RBM20: variants seen among roughly 807,000 people sequenced by gnomAD.
RBM20 encodes the protein RNA-binding protein 20.
In RBM20, 51 loss-of-function variants were observed where a neutral mutation model predicts 110.1. The ratio of observed to expected loss-of-function variants is 0.46; its 90% CI spans 0.37 to 0.59. RBM20 has a LOEUF of 0.59. RBM20 is among the 20% of genes least tolerant of loss of function. RBM20 has a pLI of 0.00. For synonymous variants in RBM20, 589 were observed against 618.2 expected, an observed-to-expected ratio of 0.95 and a Z score of 0.70; for missense variants, 1,512 against 1,574.9, an observed-to-expected ratio of 0.96 and a Z score of 0.68.
intron 1 of RBM20, among the ~76,000 whole-genome samples, chr10:110,662,766 T>C (rs1421613457): frequency 6.6e-6 from 1 of 152,218 alleles, no homozygotes; most frequent in African/African-American, 2.4e-5. Context: ...AACCCAGATG[T>C]CCATCACCAG....
At chr10:110,821,254 C>T in intron 10 of RBM20, 21 bp from the exon 11 acceptor site, 1 of 1,545,536 alleles carries the variant, frequency 6.5e-7, no homozygotes, top group South Asian at 1.2e-5. Flanking sequence ...CCTCTGACCT[C>T]CATTCTGCAT....
At chr10:110,679,216 C>CT (rs1034637923) in intron 1 of RBM20, among the ~76,000 whole-genome samples, 5 of 151,930 alleles carry the variant, frequency 3.3e-5, no homozygotes, top group African/African-American at 4.8e-5. Flanking sequence ...CCTTTTTCTT[C>CT]TTTTTTTTAT....
chr10:110,645,441 T>C (rs566945228), intron 1 of RBM20, among the ~76,000 whole-genome samples: 1 of 152,364 alleles, frequency 6.6e-6, no homozygotes, highest in African/African-American at 2.4e-5. Flanking sequence ...CCTAAGGGTT[T>C]ACCCAGTTTG....
intron 1 of RBM20, among the ~76,000 whole-genome samples, chr10:110,658,541 G>A (rs984680129): frequency 4.6e-5 from 7 of 152,044 alleles, no homozygotes; most frequent in African/African-American, 9.7e-5. Context: ...CCTCTTTTTC[G>A]TTTGAATTTC....
chr10:110,685,428 A>G (rs1219605638), intron 1 of RBM20, among the ~76,000 whole-genome samples: 3 of 152,172 alleles, frequency 2.0e-5, no homozygotes, highest in Non-Finnish European at 4.4e-5. Flanking sequence ...CTCTGTTGAC[A>G]GCTGTGCCTG....
chr10:110,751,199 G>A (rs1198430804), intron 1 of RBM20, among the ~76,000 whole-genome samples: 2 of 152,324 alleles, frequency 1.3e-5, no homozygotes, highest in East Asian at 3.9e-4. Context: ...AGACCTTACA[G>A]GATGTCTCTG....
At chr10:110,768,088 G>C (rs1261607203) in intron 1 of RBM20, among the ~76,000 whole-genome samples, 1 of 152,246 alleles carries the variant, frequency 6.6e-6, no homozygotes, top group Non-Finnish European at 1.5e-5. Flanking sequence ...AAACCAGTCA[G>C]GCGTGGCGGC....
At chr10:110,742,768 A>G (rs1843737067) in intron 1 of RBM20, among the ~76,000 whole-genome samples, 1 of 152,258 alleles carries the variant, frequency 6.6e-6, no homozygotes, top group African/African-American at 2.4e-5. Flanking sequence ...CCTAGGTAGT[A>G]GCTGGGAGGC....
intron 8 of RBM20, 73 bp from the exon 9 acceptor site, chr10:110,812,205 G>C: frequency 7.8e-7 from 1 of 1,288,434 alleles, no homozygotes; most frequent in South Asian, 1.4e-5. Flanking sequence ...GACAGAGACT[G>C]TGTGTCTGTG....
At position 110,716,586 on chromosome 10, in the gene RBM20, A is replaced by C. The variant is rs571849921; in HGVS notation, c.192-64215A>C. 3.3e-5 allele frequency among the ~76,000 whole-genome samples: 5 copies of C among 152,278 alleles called. No individual in the cohort carries two copies. In the South Asian group the frequency reaches 1.0e-3, roughly 32 times the overall value. On this transcript the variant is annotated intron_variant, in intron 1 of 13. Transcript: ENST00000369519. ...GAAGACAGTGGGTATTTCAGTATGCATATTCATGGGGAATAAATGACTGGA... is the reference window on the plus strand; with the variant it reads ...GAAGACAGTGGGTATTTCAGTATGCCTATTCATGGGGAATAAATGACTGGA...
At chr10:110,652,548 G>A (rs996720554) in intron 1 of RBM20, among the ~76,000 whole-genome samples, 7 of 152,246 alleles carry the variant, frequency 4.6e-5, no homozygotes, top group African/African-American at 1.7e-4. Flanking sequence ...TTTCACATTG[G>A]TATTGCACTG....
intron 1 of RBM20, among the ~76,000 whole-genome samples, chr10:110,706,197 A>G (rs1862835911): frequency 6.6e-6 from 1 of 152,208 alleles, no homozygotes; most frequent in African/African-American, 2.4e-5. Context: ...CTGGGGTAGC[A>G]GTTTGGTTGT....
At chr10:110,806,445 G>A (rs1844696442) in intron 7 of RBM20, among the ~76,000 whole-genome samples, 1 of 152,194 alleles carries the variant, frequency 6.6e-6, no homozygotes. Flanking sequence ...GCAGGAGTTA[G>A]AGTGGGAGCA....
intron 1 of RBM20, among the ~76,000 whole-genome samples, chr10:110,690,308 A>G (rs1862568795): frequency 6.6e-6 from 1 of 152,132 alleles, no homozygotes; most frequent in South Asian, 2.1e-4. Flanking sequence ...TGAGAGGCTG[A>G]GGCAGGAGGA....
rs781463840 is a variant in RBM20 at position 110,831,125 on chromosome 10, C to T, written c.3516C>T (p.Ser1172=). 13 of 1,551,422 alleles carry T rather than the reference C, an allele frequency of 8.4e-6. No individual in the cohort carries two copies. Among genetic ancestry groups the T allele is most frequent in the Non-Finnish European group, 1.0e-5 (12 of 1,146,906 alleles). Residue 1172 remains serine, a synonymous_variant, in exon 13 of 14, where the codon AGC becomes AGT. Transcript: ENST00000369519. The part of the protein sequence containing the change: ...YCKLCGLFYT[S]EETAKMSHCR... ...AGCTGTGTGGGCTGTTCTACACGAG[C>T]GAGGAGACAGCAAAGATGAGCCACT... is the stretch of plus-strand genomic sequence containing the variant.
intron 7 of RBM20, 73 bp from the exon 8 acceptor site, chr10:110,810,310 A>T: frequency 9.1e-7 from 1 of 1,103,772 alleles, no homozygotes; most frequent in Non-Finnish European, 1.4e-6. Flanking sequence ...TGAATGACCC[A>T]GGTCAGAGCT....
intron 1 of RBM20, among the ~76,000 whole-genome samples, chr10:110,669,901 C>T (rs768063796): frequency 7.9e-5 from 12 of 152,276 alleles, no homozygotes; most frequent in East Asian, 1.9e-4. Flanking sequence ...CTTGGTCAAT[C>T]GACAAACTCC....
At chr10:110,818,969 A>G (rs2135117055) in intron 9 of RBM20, among the ~76,000 whole-genome samples, 1 of 152,384 alleles carries the variant, frequency 6.6e-6, no homozygotes, top group Non-Finnish European at 1.5e-5. Context: ...TTAGGATTTG[A>G]ACCATGTATC....
At chr10:110,684,962 G>A (rs1360928366) in intron 1 of RBM20, among the ~76,000 whole-genome samples, 2 of 152,196 alleles carry the variant, frequency 1.3e-5, no homozygotes, top group African/African-American at 2.4e-5. Context: ...GGATGATTGC[G>A]GTGGATCCTA....
Sources: allele counts gnomAD v4.1 joint callset (sites outside exome capture counted in the v4.1 genomes callset), GRCh38; gene constraint gnomAD v4.1.1; transcripts MANE v1.5; gene names NCBI Gene and HGNC (gene_info 2026-07-23, HGNC 2026-07-21).